Variants in CNTN6 observed in about 807,000 individuals in gnomAD.
CNTN6 encodes the protein contactin-6.
CNTN6 carries 137 observed loss-of-function variants against 122.8 expected under a neutral mutation model. That is an observed-to-expected ratio of 1.12 (90% confidence interval 0.97 to 1.29). The LOEUF is 1.29. Among genes scored for constraint, CNTN6 ranks in the 50% most tolerant of loss-of-function variants. CNTN6 has a pLI of 0.00. For missense variants in CNTN6, 1,634 were observed against 1,223.4 expected, an observed-to-expected ratio of 1.34 and a Z score of -5.01; for synonymous variants, 570 against 426.0, an observed-to-expected ratio of 1.34 and a Z score of -4.16.
chr3:1,213,954 T>G (rs2094087515), intron 2 of CNTN6, among the ~76,000 whole-genome samples: 1 of 152,146 alleles, frequency 6.6e-6, no homozygotes, highest in Non-Finnish European at 1.5e-5. Flanking sequence ...CTATAGACTT[T>G]TTGCTGTGAA....
intron 2 of CNTN6, among the ~76,000 whole-genome samples, chr3:1,161,652 C>T (rs1028042220): frequency 2.6e-5 from 4 of 151,346 alleles, no homozygotes; most frequent in African/African-American, 7.3e-5. Context: ...ATTTTTTAGC[C>T]ATTTTTATTA....
At position 1,150,097 on chromosome 3, in the gene CNTN6, TA is replaced by T. The variant is rs1203554043; in HGVS notation, c.55+2037del. Among the ~76,000 whole-genome samples the T allele has an allele frequency of 5.9e-5, 9 of 152,234 alleles. No homozygotes were observed. The East Asian group carries it at 1.7e-3, about 29-fold the overall frequency. On this transcript the variant is annotated intron_variant, in intron 2 of 22. Coordinates refer to ENST00000446702, the MANE Select transcript of CNTN6 (RefSeq NM_001289080.2). ...GCTACTTAAATGAGATAATCTAAGC[TA>T]AACATTGCTCCAGAGGTAAGGATGT...
rs1454749374 is a variant in CNTN6, at chr3:1,149,628, G to C, written c.55+1565G>C. 3.9e-5 allele frequency among the ~76,000 whole-genome samples: 6 copies of C among 152,130 alleles called. 1 individual carries two copies. The South Asian group carries it at 8.3e-4, about 21-fold the overall frequency. On this transcript the variant is annotated intron_variant, in intron 2 of 22. Transcript: ENST00000446702. ...TTACTCAAAGTGATTACAGTATTTT[G>C]ATTGGTGACACCTCTAAGTCTCTGT... is the stretch of plus-strand genomic sequence containing the variant.
intron 2 of CNTN6, among the ~76,000 whole-genome samples, chr3:1,154,602 C>T (rs2092921803): frequency 6.6e-6 from 1 of 152,038 alleles, no homozygotes; most frequent in Non-Finnish European, 1.5e-5. Context: ...CACCACCACA[C>T]CTGGCTAACT....
intron 1 of CNTN6, among the ~76,000 whole-genome samples, chr3:1,102,546 C>G (rs1033440128): frequency 1.3e-5 from 2 of 150,558 alleles, no homozygotes; most frequent in African/African-American, 4.9e-5. Flanking sequence ...CTGGCTAACA[C>G]GGTGAAACCC....
chr3:1,180,756 A>G lies in CNTN6; in HGVS notation c.55+32693A>G, dbSNP rs188448822. On this transcript the variant is annotated intron_variant, in intron 2 of 22. Transcript: ENST00000446702. Reference sequence around the variant, plus strand: ...GTGAATAGTAGCTCTGCTGCCTCTCAGTCCCTTGCACCTGCACACATTTAT... The same window carrying G: ...GTGAATAGTAGCTCTGCTGCCTCTCGGTCCCTTGCACCTGCACACATTTAT... Among the ~76,000 whole-genome samples, 474 of 152,294 alleles carry G rather than the reference A, an allele frequency of 3.1e-3. 1 individual carries two copies. The highest frequency in any genetic ancestry group is 4.4e-3 in the Non-Finnish European group (297 of 68,028).
intron 1 of CNTN6, among the ~76,000 whole-genome samples, chr3:1,122,160 A>T (rs1429637595): frequency 6.6e-6 from 1 of 151,982 alleles, no homozygotes; most frequent in Non-Finnish European, 1.5e-5. Context: ...TGGTTAATGG[A>T]ACTAGTATAT....
intron 2 of CNTN6, among the ~76,000 whole-genome samples, chr3:1,148,948 G>C (rs1334995095): frequency 6.6e-6 from 1 of 152,172 alleles, no homozygotes; most frequent in Non-Finnish European, 1.5e-5. Context: ...GAAAACAAAA[G>C]ACAGAAGAAT....
intron 1 of CNTN6, among the ~76,000 whole-genome samples, chr3:1,138,846 A>T (rs959686711): frequency 6.6e-6 from 1 of 151,968 alleles, no homozygotes; most frequent in East Asian, 1.9e-4. Context: ...CTATATAATT[A>T]TATGTTATAT....
chr3:1,313,419 A>C (rs1180841089), intron 7 of CNTN6, among the ~76,000 whole-genome samples: 6 of 152,084 alleles, frequency 3.9e-5, no homozygotes, highest in Admixed American at 1.3e-4. Flanking sequence ...CAATTTACTA[A>C]GCCTTATTTA....
intron 2 of CNTN6, among the ~76,000 whole-genome samples, chr3:1,177,708 CTA>C (rs555406381): frequency 9.8e-4 from 149 of 152,030 alleles, no homozygotes; most frequent in African/African-American, 3.5e-3. Context: ...AAAGACATCA[CTA>C]TGTTTTCTTC....
At chr3:1,103,680 T>C (rs1006268016) in intron 1 of CNTN6, among the ~76,000 whole-genome samples, 10 of 152,136 alleles carry the variant, frequency 6.6e-5, no homozygotes, top group African/African-American at 1.4e-4. Flanking sequence ...TTTAAGAAAT[T>C]ACACACACAA....
chr3:1,099,262 T>C (rs923890664), intron 1 of CNTN6, among the ~76,000 whole-genome samples: 1 of 151,920 alleles, frequency 6.6e-6, no homozygotes, highest in East Asian at 1.9e-4. Context: ...CCATCCTGGC[T>C]AACACGGTGA....
chr3:1,097,589 C>T (rs1202867908), intron 1 of CNTN6, among the ~76,000 whole-genome samples: 1 of 152,146 alleles, frequency 6.6e-6, no homozygotes, highest in African/African-American at 2.4e-5. Context: ...TGTAGATTTC[C>T]TTCCCTATAT....
chr3:1,385,865 T>A, intron 20 of CNTN6, 68 bp downstream of exon 20: 2 of 1,373,934 alleles, frequency 1.5e-6, no homozygotes, highest in Non-Finnish European at 2.0e-6. Flanking sequence ...TTGCTTGATG[T>A]TCATTTCATT....
intron 1 of CNTN6, among the ~76,000 whole-genome samples, chr3:1,101,424 A>G (rs1329937679): frequency 6.6e-6 from 1 of 152,190 alleles, no homozygotes; most frequent in Admixed American, 6.5e-5. Context: ...ATGTGTTTGT[A>G]GTGGAAAAGA....
intron 2 of CNTN6, among the ~76,000 whole-genome samples, chr3:1,167,713 G>A (rs1373126984): frequency 6.6e-6 from 1 of 152,200 alleles, no homozygotes; most frequent in Non-Finnish European, 1.5e-5. Flanking sequence ...GAGTGAGCCA[G>A]TGGTGGAACT....
intron 11 of CNTN6, among the ~76,000 whole-genome samples, chr3:1,351,324 C>G (rs1369673018): frequency 6.6e-6 from 1 of 151,886 alleles, no homozygotes; most frequent in South Asian, 2.1e-4. Flanking sequence ...GGCATGCATG[C>G]CAATTGTCTA....
At chr3:1,225,122 G>C (rs531680460) in intron 3 of CNTN6, among the ~76,000 whole-genome samples, 3 of 152,174 alleles carry the variant, frequency 2.0e-5, no homozygotes, top group African/African-American at 4.8e-5. Flanking sequence ...CGAGATTTTA[G>C]TTCACATCCA....
Sources: allele counts gnomAD v4.1 joint callset (sites outside exome capture counted in the v4.1 genomes callset), GRCh38; gene constraint gnomAD v4.1.1; transcripts MANE v1.5; gene names NCBI Gene and HGNC (gene_info 2026-07-23, HGNC 2026-07-21).